The following CHM variants were observed in gnomAD, a reference collection of about 807,000 sequenced individuals.
The protein encoded by CHM is CHM Rab escort protein, also known as rab proteins geranylgeranyltransferase component A 1.
A neutral mutation model predicts 49.0 loss-of-function variants in CHM; 10 were observed. The observed-to-expected ratio is 0.20, with a 90% confidence interval of 0.13 to 0.35. The LOEUF (loss-of-function observed/expected upper bound fraction) is 0.35, where lower values mean the gene tolerates loss of function less well. CHM is among the 10% of genes least tolerant of loss of function. The pLI is 1.00. For missense variants in CHM, 455 were observed against 478.4 expected (o/e 0.95, Z 0.46); for synonymous variants, 184 against 167.5 (o/e 1.10, Z -0.76).
chrX:85,897,862 C>T (rs757205691), intron 11 of CHM, among the ~76,000 whole-genome samples: 2 of 111,025 alleles, frequency 1.8e-5, no homozygotes, highest in Admixed American at 1.9e-4. Context: ...TGGGATCTTC[C>T]TCTGTGGGTG....
At chrX:85,951,644 C>T (rs112692447) in intron 8 of CHM, among the ~76,000 whole-genome samples, 6,051 of 111,610 alleles carry the variant, frequency 0.054, 424 homozygotes, top group African/African-American at 0.19. Context: ...GGGCAAAAGT[C>T]AACAATGAGA....
At chrX:85,977,409 C>T (rs1931337104) in intron 4 of CHM, among the ~76,000 whole-genome samples, 2 of 112,186 alleles carry the variant, frequency 1.8e-5, no homozygotes, top group African/African-American at 6.5e-5. Context: ...GTTATACAAA[C>T]GAAACTGAAG....
intron 8 of CHM, among the ~76,000 whole-genome samples, chrX:85,918,076 T>C (rs1927561486): frequency 9.0e-6 from 1 of 111,152 alleles, no homozygotes; most frequent in Non-Finnish European, 1.9e-5. Flanking sequence ...CCCTGTGAGA[T>C]AGTATGCAAG....
At chrX:85,968,282 T>C (rs1930684762) in intron 4 of CHM, among the ~76,000 whole-genome samples, 1 of 112,374 alleles carries the variant, frequency 8.9e-6, no homozygotes, top group Non-Finnish European at 1.9e-5. Flanking sequence ...GGTAGATATA[T>C]ATTTCCCAGT....
chrX:85,933,317 T>C (rs974414698), intron 8 of CHM, among the ~76,000 whole-genome samples: 6 of 112,504 alleles, frequency 5.3e-5, no homozygotes, highest in African/African-American at 1.9e-4. Context: ...ATGGCTCATA[T>C]AGTGCTGATC....
Position 85,968,622 on chromosome X carries a change from CTTG to C in CHM, c.315-4573_315-4571del, listed in dbSNP as rs200260311. 8.7e-3 allele frequency among the ~76,000 whole-genome samples: 971 copies of C among 111,996 alleles called. 14 individuals carry two copies. Among genetic ancestry groups the C allele is most frequent in the African/African-American group, 0.03 (919 of 30,817 alleles). On this transcript the variant is annotated intron_variant, in intron 4 of 14. Transcript: ENST00000357749. ...GATAATGATGAGTCTGCTGGGGGCC[CTTG>C]TTGAAGACTTTCCAGTAAAATAAAA...
intron 2 of CHM, among the ~76,000 whole-genome samples, chrX:86,006,985 C>A (rs139124187): frequency 9.0e-6 from 1 of 111,535 alleles, no homozygotes; most frequent in Non-Finnish European, 1.9e-5. Flanking sequence ...AACCTGGAGG[C>A]ATCACGCTAC....
At chrX:85,896,834 ATATAT>A (rs1378535529) in intron 11 of CHM, among the ~76,000 whole-genome samples, 41 of 100,922 alleles carry the variant, frequency 4.1e-4, no homozygotes, top group Middle Eastern at 4.6e-3. Context: ...TAATTATATA[ATATAT>A]TATATAATAC....
chrX:85,964,524 T>A (rs1397965409), intron 4 of CHM, among the ~76,000 whole-genome samples: 1 of 111,256 alleles, frequency 9.0e-6, no homozygotes, highest in Non-Finnish European at 1.9e-5. Context: ...AAGTACTGCA[T>A]GCAAAGAGCC....
At chrX:85,996,364 A>C in intron 2 of CHM, among the ~76,000 whole-genome samples, 2 of 112,228 alleles carry the variant, frequency 1.8e-5, no homozygotes, top group Non-Finnish European at 3.8e-5. Context: ...AAATAGCATA[A>C]AATTGACTTG....
intron 2 of CHM, among the ~76,000 whole-genome samples, chrX:86,004,211 C>A (rs1932804875): frequency 8.9e-6 from 1 of 111,745 alleles, no homozygotes; most frequent in African/African-American, 3.3e-5. Context: ...CAAGCAAATG[C>A]TGAGAGATTT....
At chrX:85,901,372 TGCTATTTTGAGG>T (rs1926278760) in intron 9 of CHM, among the ~76,000 whole-genome samples, 184 bp from the exon 10 acceptor site, 1 of 111,773 alleles carries the variant, frequency 8.9e-6, no homozygotes, top group Non-Finnish European at 1.9e-5. Flanking sequence ...ATATTCTTGT[TGCTATTTTGAGG>T]GCTTTTAAAG....
At chrX:85,932,365 G>C (rs898886352) in intron 8 of CHM, among the ~76,000 whole-genome samples, 1 of 112,022 alleles carries the variant, frequency 8.9e-6, no homozygotes, top group Admixed American at 9.5e-5. Flanking sequence ...GTGTTTATTA[G>C]GGCCTTAAAA....
At chrX:85,913,335 AGAAAGAAAGAAAGAAAG>A (rs1268342459) in intron 8 of CHM, among the ~76,000 whole-genome samples, 8 of 62,885 alleles carry the variant, frequency 1.3e-4, no homozygotes, top group African/African-American at 4.8e-4. Flanking sequence ...AAAAAAAAAA[AGAAAGAAAGAAAGAAAG>A]AAAGAAAGAA....
At chrX:86,001,653 A>G (rs1397019335) in intron 2 of CHM, among the ~76,000 whole-genome samples, 1 of 110,291 alleles carries the variant, frequency 9.1e-6, no homozygotes, top group Admixed American at 9.7e-5. Context: ...GTGAGAACTA[A>G]CTTATCATCA....
intron 14 of CHM, among the ~76,000 whole-genome samples, chrX:85,869,709 T>C: frequency 1.8e-5 from 2 of 112,256 alleles, no homozygotes; most frequent in Middle Eastern, 9.2e-3. Context: ...TAATGCTTCT[T>C]GGTCTGCTGC....
intron 2 of CHM, among the ~76,000 whole-genome samples, chrX:86,003,790 T>C (rs1159361529): frequency 8.9e-6 from 1 of 112,141 alleles, no homozygotes; most frequent in East Asian, 2.8e-4. Flanking sequence ...GTTTGACTGC[T>C]GTATCTGAAA....
At chrX:85,908,037 T>C (rs187570823) in intron 9 of CHM, among the ~76,000 whole-genome samples, 7 of 111,506 alleles carry the variant, frequency 6.3e-5, no homozygotes, top group African/African-American at 2.3e-4. Flanking sequence ...TATAAGTAGT[T>C]CTTAACTGTC....
At chrX:85,996,498 C>T (rs1379414409) in intron 2 of CHM, among the ~76,000 whole-genome samples, 1 of 111,577 alleles carries the variant, frequency 9.0e-6, no homozygotes, top group African/African-American at 3.3e-5. Context: ...ATAATGCTGG[C>T]TCCCTGTGAA....
Sources: allele counts gnomAD v4.1 joint callset (sites outside exome capture counted in the v4.1 genomes callset), GRCh38; gene constraint gnomAD v4.1.1; transcripts MANE v1.5; gene names NCBI Gene and HGNC (gene_info 2026-07-23, HGNC 2026-07-21).